The following PARD3B variants were observed in gnomAD, a reference collection of about 807,000 sequenced individuals.
PARD3B encodes par-3 family cell polarity regulator beta.
A neutral mutation model predicts 130.2 loss-of-function variants in PARD3B; 103 were observed. That is an observed-to-expected ratio of 0.79 (90% CI 0.67 to 0.93). The LOEUF (loss-of-function observed/expected upper bound fraction) is 0.93, where lower values mean the gene tolerates loss of function less well. PARD3B is among the 40% of genes least tolerant of loss of function. PARD3B has a pLI of 0.00. For synonymous variants in PARD3B, 583 were observed against 553.2 expected, an observed-to-expected ratio of 1.05 and a Z score of -0.76; for missense variants, 1,609 against 1,499.2, an observed-to-expected ratio of 1.07 and a Z score of -1.21.
intron 13 of PARD3B, among the ~76,000 whole-genome samples, chr2:205,180,830 A>G (rs1166140351): frequency 6.6e-6 from 1 of 152,166 alleles, no homozygotes; most frequent in Non-Finnish European, 1.5e-5. Context: ...CGGTAGTGAA[A>G]TAAGTGTGGT....
chr2:205,075,666 A>G (rs1333768232), intron 4 of PARD3B, among the ~76,000 whole-genome samples: 2 of 131,966 alleles, frequency 1.5e-5, no homozygotes, highest in African/African-American at 5.7e-5. Context: ...CCTTTATAAG[A>G]ATTTTTGCCA....
At chr2:204,604,297 T>C (rs1307691093) in intron 1 of PARD3B, among the ~76,000 whole-genome samples, 1 of 152,152 alleles carries the variant, frequency 6.6e-6, no homozygotes, top group African/African-American at 2.4e-5. Flanking sequence ...TCATGTTCTG[T>C]ACATTCCATT....
intron 7 of PARD3B, among the ~76,000 whole-genome samples, chr2:205,119,425 T>TA (rs1418386066): frequency 6.6e-6 from 1 of 152,044 alleles, no homozygotes; most frequent in African/African-American, 2.4e-5. Context: ...TTCCTTAAAC[T>TA]AAAAAATCTG....
intron 2 of PARD3B, among the ~76,000 whole-genome samples, chr2:204,758,087 G>C (rs2125402322): frequency 6.6e-6 from 1 of 152,268 alleles, no homozygotes; most frequent in South Asian, 2.1e-4. Flanking sequence ...TATGCATTCA[G>C]CCTAGCTTAG....
intron 2 of PARD3B, among the ~76,000 whole-genome samples, chr2:204,766,066 T>A (rs2041132449): frequency 6.6e-6 from 1 of 152,234 alleles, no homozygotes; most frequent in Non-Finnish European, 1.5e-5. Context: ...AACTTGATAC[T>A]TGAATTTGTA....
intron 10 of PARD3B, among the ~76,000 whole-genome samples, chr2:205,135,424 T>C (rs1242662056): frequency 6.6e-6 from 1 of 152,222 alleles, no homozygotes; most frequent in Non-Finnish European, 1.5e-5. Context: ...TTCCAGCTGT[T>C]ATCAAAGTAA....
chr2:204,746,558 C>G (rs903418926), intron 2 of PARD3B, among the ~76,000 whole-genome samples: 1 of 152,194 alleles, frequency 6.6e-6, no homozygotes, highest in Non-Finnish European at 1.5e-5. Context: ...AATTGCCACA[C>G]TGTCTTCCAC....
chr2:205,068,430 T>C (rs941284328), intron 4 of PARD3B, among the ~76,000 whole-genome samples: 1 of 152,206 alleles, frequency 6.6e-6, no homozygotes, highest in African/African-American at 2.4e-5. Context: ...CATTTGTCTA[T>C]ACTATTAGTT....
intron 18 of PARD3B, among the ~76,000 whole-genome samples, chr2:205,307,516 T>C (rs921816714): frequency 1.3e-5 from 2 of 152,192 alleles, no homozygotes; most frequent in African/African-American, 4.8e-5. Context: ...TTGTGCTCTT[T>C]ATGGCACTAA....
chr2:204,722,516 A>C (rs2039042909), intron 2 of PARD3B, among the ~76,000 whole-genome samples: 1 of 152,124 alleles, frequency 6.6e-6, no homozygotes, highest in Admixed American at 6.6e-5. Context: ...CCCATTGCTC[A>C]ATTTTTTTCC....
At chr2:205,482,844 A>G (rs1877341) in intron 20 of PARD3B, 72,667 of 151,908 alleles carry the variant, frequency 0.48, 19,208 homozygotes, top group Admixed American at 0.62. Flanking sequence ...TAGAGAAACA[A>G]TCTATTTCTC....
At chr2:205,371,742 C>G (rs1050062475) in intron 18 of PARD3B, among the ~76,000 whole-genome samples, 1 of 152,116 alleles carries the variant, frequency 6.6e-6, no homozygotes, top group Non-Finnish European at 1.5e-5. Flanking sequence ...CCATAAAATT[C>G]AACCGTTTGA....
chr2:205,376,413 AC>A (rs1190658372), intron 18 of PARD3B, among the ~76,000 whole-genome samples: 2 of 117,180 alleles, frequency 1.7e-5, no homozygotes, highest in Non-Finnish European at 4.0e-5. Flanking sequence ...CCCATTACCC[AC>A]CCCTAGGAAG....
intron 1 of PARD3B, among the ~76,000 whole-genome samples, chr2:204,668,678 A>G (rs990998239): frequency 6.6e-6 from 1 of 152,178 alleles, no homozygotes; most frequent in Non-Finnish European, 1.5e-5. Flanking sequence ...CACCTTTTTC[A>G]TAAAAAAGAC....
chr2:205,311,987 C>T (rs1029768522), intron 18 of PARD3B, among the ~76,000 whole-genome samples: 1 of 152,174 alleles, frequency 6.6e-6, no homozygotes, highest in Non-Finnish European at 1.5e-5. Context: ...TCCTGTAATA[C>T]ATTACCCATA....
In PARD3B at chr2:205,301,697, C is replaced by G; in HGVS notation, c.2626C>G (p.Leu876Val). The change falls in exon 18 of 23, where the codon CTG (leucine) becomes GTG (valine). Residue 876 changes from leucine to valine, a missense_variant. Leu to Val is a conservative substitution (Grantham distance 32, BLOSUM62 1). Transcript: ENST00000406610. The surrounding 1 kb of genome is among the most constrained non-coding windows in gnomAD (Gnocchi z 5.2). ...KIKKKGFGAM[L>V]RFGKKKEDKG... ...AAAGAAGAAGGGCTTCGGCGCCATG[C>G]TGAGGTATGGGCCTGCTTTGAAGGC... 2 of 1,614,034 alleles carry G rather than the reference C, an allele frequency of 1.2e-6. No homozygotes were observed. The highest frequency in any genetic ancestry group is 2.2e-5 in the South Asian group (2 of 91,070).
intron 18 of PARD3B, among the ~76,000 whole-genome samples, chr2:205,386,833 T>G (rs116493946): frequency 0.021 from 3,135 of 152,146 alleles, 44 homozygotes; most frequent in South Asian, 0.033. Context: ...CACTTGACTT[T>G]CTGAGCTTTG....
intron 1 of PARD3B, among the ~76,000 whole-genome samples, chr2:204,684,719 A>G (rs1332912813): frequency 1.3e-5 from 2 of 152,182 alleles, no homozygotes; most frequent in East Asian, 1.9e-4. Context: ...TTACCTGATT[A>G]TACTCCCACT....
At chr2:204,621,806 C>T (rs2034310980) in intron 1 of PARD3B, among the ~76,000 whole-genome samples, 1 of 152,116 alleles carries the variant, frequency 6.6e-6, no homozygotes, top group South Asian at 2.1e-4. Context: ...TTATCTGGGT[C>T]TATACAACTT....
Sources: allele counts gnomAD v4.1 joint callset (sites outside exome capture counted in the v4.1 genomes callset), GRCh38; gene constraint gnomAD v4.1.1; non-coding constraint Gnocchi (gnomAD v3.1); transcripts MANE v1.5; gene names NCBI Gene and HGNC (gene_info 2026-07-23, HGNC 2026-07-21).